Variants in PHLDB2 observed in about 807,000 individuals in gnomAD.
The protein encoded by PHLDB2 is pleckstrin homology-like domain family B member 2.
Under a neutral mutation model 123.6 loss-of-function variants are expected in PHLDB2, and 71 were observed. The observed-to-expected ratio is 0.57, with a 90% CI of 0.47 to 0.70. The LOEUF (loss-of-function observed/expected upper bound fraction) is 0.70. Ranked by LOEUF, PHLDB2 falls within the 30% of genes least tolerant of loss-of-function variation. The pLI is 0.00. For synonymous variants in PHLDB2, 547 were observed against 541.6 expected, an observed-to-expected ratio of 1.01 and a Z score of -0.14; for missense variants, 1,446 against 1,519.5, an observed-to-expected ratio of 0.95 and a Z score of 0.80.
At chr3:111,790,892 A>G (rs2060890218) in intron 1 of PHLDB2, among the ~76,000 whole-genome samples, 2 of 152,194 alleles carry the variant, frequency 1.3e-5, no homozygotes, top group African/African-American at 4.8e-5. Context: ...ATGATATAAA[A>G]TGTATCCTCC....
rs549229647 is a variant in PHLDB2 at position 111,757,654 on chromosome 3, T to G, written c.-49+24951T>G. Among the ~76,000 whole-genome samples, 5 of 152,332 alleles carry G rather than the reference T, an allele frequency of 3.3e-5. No individual in the cohort carries two copies. In the South Asian group the frequency reaches 1.0e-3, roughly 32 times the overall value. Reference sequence around the variant, plus strand: ...TCTGGAGGAGGAGAGGCACTCTGCTTTTTAGAGTTTCCAGTTTTTCTGCTC... The same window carrying G: ...TCTGGAGGAGGAGAGGCACTCTGCTGTTTAGAGTTTCCAGTTTTTCTGCTC... On this transcript the variant is annotated intron_variant, in intron 1 of 17. Coordinates refer to the PHLDB2 transcript ENST00000393923.
intron 10 of PHLDB2, chr3:111,949,851 TAAG>T (rs2107629041): frequency 1.0e-6 from 1 of 985,956 alleles, no homozygotes; most frequent in East Asian, 1.1e-4. Context: ...CTTTACCAGC[TAAG>T]AAACACAGAA....
intron 1 of PHLDB2, among the ~76,000 whole-genome samples, chr3:111,822,317 G>GTATA (rs1168681416): frequency 2.5e-4 from 37 of 147,910 alleles, no homozygotes; most frequent in South Asian, 4.3e-4. Context: ...GTGTGTGTGT[G>GTATA]TATATATATA....
At chr3:111,825,253 C>G (rs2062599882) in intron 1 of PHLDB2, among the ~76,000 whole-genome samples, 1 of 152,176 alleles carries the variant, frequency 6.6e-6, no homozygotes, top group Non-Finnish European at 1.5e-5. Context: ...AGATTCTTAA[C>G]TTTGCCAGTA....
At chr3:111,829,927 AACACACACACACACACAC>A (rs72357648) in intron 1 of PHLDB2, among the ~76,000 whole-genome samples, 14 of 136,016 alleles carry the variant, frequency 1.0e-4, no homozygotes, top group East Asian at 6.4e-4. Context: ...AACTATTCAA[AACACACACACACACACAC>A]ACACACACAC....
chr3:111,738,850 G>A (rs1559805668), intron 1 of PHLDB2, among the ~76,000 whole-genome samples: 1 of 152,150 alleles, frequency 6.6e-6, no homozygotes, highest in East Asian at 1.9e-4. Context: ...TTAACCATTG[G>A]TGTAGAGGGA....
chr3:111,746,731 T>G (rs1271964396), intron 1 of PHLDB2, among the ~76,000 whole-genome samples: 2 of 152,214 alleles, frequency 1.3e-5, no homozygotes, highest in Non-Finnish European at 2.9e-5. Flanking sequence ...ATCTTGCCAC[T>G]ACACTCCAGC....
intron 2 of PHLDB2, among the ~76,000 whole-genome samples, chr3:111,896,355 C>CCCCA (rs2066866369): frequency 1.1e-5 from 1 of 88,228 alleles, no homozygotes; most frequent in African/African-American, 3.6e-5. Flanking sequence ...TTTTTCTTCC[C>CCCCA]CCGCCCCGAG....
chr3:111,942,124 G>A (rs536031845), intron 8 of PHLDB2, among the ~76,000 whole-genome samples: 2 of 152,258 alleles, frequency 1.3e-5, no homozygotes, highest in East Asian at 3.9e-4. Flanking sequence ...AGCCAAAATA[G>A]AGAAAAACTC....
At chr3:111,963,319 C>T (rs146422491) in intron 13 of PHLDB2, among the ~76,000 whole-genome samples, 5 of 152,252 alleles carry the variant, frequency 3.3e-5, no homozygotes, top group Admixed American at 1.3e-4. Flanking sequence ...TGGTTCTTAA[C>T]ATTTTCTCAA....
chr3:111,840,426 T>C (rs1337471593), intron 1 of PHLDB2, among the ~76,000 whole-genome samples: 1 of 152,200 alleles, frequency 6.6e-6, no homozygotes, highest in East Asian at 1.9e-4. Context: ...GGTCATGGTA[T>C]ATTTTCTTAA....
chr3:111,773,871 T>C (rs60867472), intron 1 of PHLDB2, among the ~76,000 whole-genome samples: 36,799 of 151,946 alleles, frequency 0.24, 5,212 homozygotes, highest in African/African-American at 0.39. Context: ...AATACTACCA[T>C]GTCACTTCTT....
In PHLDB2 at chr3:111,893,999, T is replaced by C. The variant is rs1373863234; in HGVS notation, c.1335+8587T>C. On this transcript the variant is annotated intron_variant, in intron 2 of 17. Transcript: ENST00000431670. ...TACGTATACATGTGCCATGCTGGTG[T>C]GCTGCACCCACTAACTCGTCATCTA... Among the ~76,000 whole-genome samples the C allele has an allele frequency of 1.9e-4, 28 of 148,068 alleles. No individual in the cohort carries two copies. The Middle Eastern group carries it at 0.01, about 54-fold the overall frequency.
At chr3:111,805,456 G>C (rs976169374) in intron 1 of PHLDB2, among the ~76,000 whole-genome samples, 2 of 150,954 alleles carry the variant, frequency 1.3e-5, no homozygotes, top group Non-Finnish European at 2.9e-5. Flanking sequence ...AGCTACTCGG[G>C]AGGCTGAGGC....
rs144732747 is a variant in PHLDB2 at position 111,913,423 on chromosome 3, C to T, written c.1440C>T (p.Asn480=). 1.9e-6 allele frequency: 3 copies of T among 1,614,028 alleles called. No homozygotes were observed. Among genetic ancestry groups the T allele is most frequent in the Admixed American group, 3.3e-5 (2 of 60,000 alleles). ...GTTVEDVQKI[N]KELEKLQLSD... ...CCGTGGAAGATGTGCAGAAAATCAACAAGGAGCTTGAGAAGCTGCAGCTCT... is the reference window on the plus strand; with the variant it reads ...CCGTGGAAGATGTGCAGAAAATCAATAAGGAGCTTGAGAAGCTGCAGCTCT... The change falls in exon 3 of 18, where the codon AAC becomes AAT. Residue 480 remains asparagine (N), a synonymous_variant. Transcript: ENST00000431670.
At chr3:111,906,178 A>C (rs2067523238) in intron 2 of PHLDB2, among the ~76,000 whole-genome samples, 1 of 152,250 alleles carries the variant, frequency 6.6e-6, no homozygotes, top group Non-Finnish European at 1.5e-5. Flanking sequence ...GGTGTGTAGT[A>C]GGCTAATACT....
intron 1 of PHLDB2, among the ~76,000 whole-genome samples, chr3:111,883,209 T>C (rs1500045): frequency 0.46 from 69,370 of 152,006 alleles, 16,743 homozygotes; most frequent in East Asian, 0.68. Context: ...GCTAAAACTT[T>C]AGTGTTTTAA....
chr3:111,830,503 A>T (rs2062894761), intron 1 of PHLDB2, among the ~76,000 whole-genome samples: 1 of 84,268 alleles, frequency 1.2e-5, no homozygotes, highest in Non-Finnish European at 2.3e-5. Flanking sequence ...AATAAGGAAC[A>T]TGGCAAAAAA....
intron 1 of PHLDB2, among the ~76,000 whole-genome samples, chr3:111,804,905 C>G (rs1254025249): frequency 6.6e-6 from 1 of 151,932 alleles, no homozygotes; most frequent in East Asian, 1.9e-4. Context: ...AACAATAGAA[C>G]AATATCAAGT....
Sources: allele counts gnomAD v4.1 joint callset (sites outside exome capture counted in the v4.1 genomes callset), GRCh38; gene constraint gnomAD v4.1.1; transcripts MANE v1.5; gene names NCBI Gene and HGNC (gene_info 2026-07-23, HGNC 2026-07-21).